The following C12orf42 variants were observed in gnomAD, a reference collection of about 807,000 sequenced individuals.
C12orf42 encodes uncharacterized protein C12orf42.
In C12orf42, 25 loss-of-function variants were observed where a neutral mutation model predicts 21.6. That is an observed-to-expected ratio of 1.16 (90% CI 0.84 to 1.62). The LOEUF is 1.62. C12orf42 is among the 40% of genes most tolerant of loss of function. The pLI, the probability that C12orf42 is intolerant of heterozygous loss-of-function variation, is 0.00. For synonymous variants in C12orf42, 174 were observed against 175.0 expected (o/e 0.99, Z 0.05); for missense variants, 483 against 459.3 (o/e 1.05, Z -0.47).
chr12:103,299,374 TAA>T (rs1448466655), downstream of C12orf42, among the ~76,000 whole-genome samples: 8 of 151,792 alleles, frequency 5.3e-5, no homozygotes, highest in Non-Finnish European at 7.4e-5. Context: ...TTATATATTA[TAA>T]AAAGAGTCCT....
intron 3 of C12orf42, among the ~76,000 whole-genome samples, chr12:103,369,969 C>T (rs1347403556): frequency 1.3e-5 from 2 of 152,022 alleles, no homozygotes; most frequent in African/African-American, 4.8e-5. Context: ...AAAGTATTTG[C>T]AAACTATGCT....
intron 4 of C12orf42, among the ~76,000 whole-genome samples, chr12:103,289,495 A>G (rs1566021747): frequency 6.6e-6 from 1 of 152,354 alleles, no homozygotes; most frequent in East Asian, 1.9e-4. Context: ...TAACAATTAT[A>G]CATAAAATAT....
chr12:103,272,355 T>C (rs1376022087), intron 5 of C12orf42, among the ~76,000 whole-genome samples: 1 of 152,134 alleles, frequency 6.6e-6, no homozygotes, highest in African/African-American at 2.4e-5. Context: ...GTTTAGCATA[T>C]GCCAAGCACT....
intron 4 of C12orf42, among the ~76,000 whole-genome samples, chr12:103,323,137 T>C (rs1161287389): frequency 6.6e-6 from 1 of 152,186 alleles, no homozygotes; most frequent in East Asian, 1.9e-4. Flanking sequence ...TATATGTATA[T>C]ATATTTCCAT....
chr12:103,353,656 C>G (rs2043285880), intron 4 of C12orf42, among the ~76,000 whole-genome samples: 1 of 152,242 alleles, frequency 6.6e-6, no homozygotes, highest in East Asian at 1.9e-4. Flanking sequence ...CATCATTTCT[C>G]CCCAAAAGCT....
the C12orf42 span, among the ~76,000 whole-genome samples, chr12:103,191,410 T>C: frequency 1.8e-3 from 279 of 151,688 alleles, no homozygotes; most frequent in Non-Finnish European, 3.0e-3. Flanking sequence ...AACCTTAGTA[T>C]AAAAATTAAA....
At chr12:103,050,662 C>A in the C12orf42 span, among the ~76,000 whole-genome samples, 1 of 151,962 alleles carries the variant, frequency 6.6e-6, no homozygotes, top group Admixed American at 6.6e-5. Context: ...CTGCTCAGAG[C>A]AACCATTGCA....
At chr12:103,363,520 G>A (rs2044304762) in intron 4 of C12orf42, among the ~76,000 whole-genome samples, 1 of 152,078 alleles carries the variant, frequency 6.6e-6, no homozygotes, top group African/African-American at 2.4e-5. Flanking sequence ...AAAGTAAATT[G>A]CATAAATGCT....
the C12orf42 span, among the ~76,000 whole-genome samples, chr12:103,065,099 A>G: frequency 6.6e-6 from 1 of 152,230 alleles, no homozygotes; most frequent in Admixed American, 6.5e-5. Context: ...ACTAAATCAA[A>G]AACAGTATTG....
intron 2 of C12orf42, among the ~76,000 whole-genome samples, chr12:103,419,106 C>G (rs138328568): frequency 6.6e-6 from 1 of 151,996 alleles, no homozygotes; most frequent in Admixed American, 6.6e-5. Context: ...AAGAGCTGCA[C>G]GTACAAATGC....
the C12orf42 span, among the ~76,000 whole-genome samples, chr12:103,510,159 T>C: frequency 6.6e-6 from 1 of 152,200 alleles, no homozygotes; most frequent in African/African-American, 2.4e-5. Flanking sequence ...ATATATACAT[T>C]GGAATACTAC....
chr12:103,511,364 CTT>C, the C12orf42 span, among the ~76,000 whole-genome samples: 36 of 149,734 alleles, frequency 2.4e-4, no homozygotes, highest in African/African-American at 7.1e-4. Flanking sequence ...TTTAATATAA[CTT>C]ATATAGTATA....
the C12orf42 span, among the ~76,000 whole-genome samples, chr12:103,512,747 T>C: frequency 6.6e-6 from 1 of 152,280 alleles, no homozygotes; most frequent in African/African-American, 2.4e-5. Flanking sequence ...CTCATGCCTG[T>C]AATCCCAGCA....
intron 2 of C12orf42, among the ~76,000 whole-genome samples, chr12:103,430,391 T>C (rs1262877190): frequency 1.3e-5 from 2 of 152,158 alleles, no homozygotes; most frequent in East Asian, 3.8e-4. Context: ...ATTAGAGACA[T>C]GCAAATCAAA....
At chr12:103,386,903 C>G (rs1178626910) in intron 3 of C12orf42, among the ~76,000 whole-genome samples, 1 of 152,160 alleles carries the variant, frequency 6.6e-6, no homozygotes, top group African/African-American at 2.4e-5. Flanking sequence ...CCTCCACCTC[C>G]AAGAAGTTAG....
intron 5 of C12orf42, among the ~76,000 whole-genome samples, chr12:103,272,058 A>G (rs1259740294): frequency 3.9e-5 from 6 of 152,174 alleles, no homozygotes; most frequent in African/African-American, 1.4e-4. Context: ...CCAACTCTCA[A>G]GTTTATTAAT....
the C12orf42 span, among the ~76,000 whole-genome samples, chr12:103,537,818 C>T: frequency 6.6e-6 from 1 of 152,128 alleles, no homozygotes; most frequent in Admixed American, 6.5e-5. Flanking sequence ...CTTTGTAAGC[C>T]TTCAGAATAG....
the C12orf42 span, among the ~76,000 whole-genome samples, chr12:103,093,824 C>G: frequency 2.0e-5 from 3 of 152,278 alleles, no homozygotes; most frequent in African/African-American, 7.2e-5. Flanking sequence ...TGGATAGTAG[C>G]CAGCAGAAGT....
At chr12:103,144,771 C>T in the C12orf42 span, among the ~76,000 whole-genome samples, 1 of 152,062 alleles carries the variant, frequency 6.6e-6, no homozygotes, top group Non-Finnish European at 1.5e-5. Context: ...CTGCTGGCCA[C>T]GGAAAACGAC....
Sources: gnomAD v4.1 joint callset for allele counts (sites outside exome capture counted in the v4.1 genomes callset) on GRCh38, gnomAD v4.1.1 for gene constraint, MANE v1.5 for transcripts, NCBI Gene and HGNC (gene_info 2026-07-23, HGNC 2026-07-21) for gene names.